The following ATRX variants were observed in gnomAD, a reference collection of about 807,000 sequenced individuals.
ATRX encodes ATRX chromatin remodeler, also known as chromatin remodeler ATRX.
A neutral mutation model predicts 172.6 loss-of-function variants in ATRX; 12 were observed. The observed-to-expected ratio is 0.07, with a 90% CI of 0.04 to 0.11. ATRX has a LOEUF of 0.11. Among genes scored for constraint, ATRX ranks in the 10% least tolerant of loss-of-function variants. The pLI is 1.00. For synonymous variants in ATRX, 674 were observed against 594.7 expected (o/e 1.13, Z -1.94); for missense variants, 1,368 against 1,767.4 (o/e 0.77, Z 4.05).
intron 22 of ATRX, among the ~76,000 whole-genome samples, chrX:77,606,701 T>TCC (rs1212930312): frequency 1.2e-5 from 1 of 85,852 alleles, no homozygotes; most frequent in Non-Finnish European, 2.2e-5. Flanking sequence ...AGAAGGAGGA[T>TCC]CCCTTGAGCC....
chrX:77,670,881 C>A (rs1345717885), intron 10 of ATRX, among the ~76,000 whole-genome samples: 1 of 107,436 alleles, frequency 9.3e-6, no homozygotes, highest in Non-Finnish European at 1.9e-5. Flanking sequence ...GGCACGGTGG[C>A]TCATGCCTGT....
At chrX:77,736,113 C>G (rs1424217259) in intron 1 of ATRX, among the ~76,000 whole-genome samples, 2 of 111,578 alleles carry the variant, frequency 1.8e-5, no homozygotes, top group African/African-American at 3.3e-5. Flanking sequence ...TATGAATCCT[C>G]TACAAGAAAA....
intron 2 of ATRX, among the ~76,000 whole-genome samples, chrX:77,701,602 T>C (rs949110533): frequency 2.7e-5 from 3 of 111,528 alleles, no homozygotes; most frequent in Non-Finnish European, 1.9e-5. Context: ...AATATCATAC[T>C]TAATGGCGAC....
At chrX:77,778,632 A>G (rs1169899751) in intron 1 of ATRX, among the ~76,000 whole-genome samples, 22 of 107,492 alleles carry the variant, frequency 2.0e-4, no homozygotes, top group Admixed American at 2.0e-3. Context: ...GAGGCAGGAG[A>G]ATCGCTTGAA....
intron 28 of ATRX, among the ~76,000 whole-genome samples, chrX:77,573,650 T>TA (rs1261961319): frequency 9.0e-6 from 1 of 111,365 alleles, no homozygotes; most frequent in African/African-American, 3.2e-5. Context: ...ATAATTTTTT[T>TA]AAAAAATGAC....
At chrX:77,661,032 T>C (rs1163114337) in intron 12 of ATRX, among the ~76,000 whole-genome samples, 1 of 112,064 alleles carries the variant, frequency 8.9e-6, no homozygotes, top group Non-Finnish European at 1.9e-5. Context: ...AGTGCCTTCA[T>C]TCTCACTGAA....
chrX:77,749,115 T>A (rs932912782), intron 1 of ATRX, among the ~76,000 whole-genome samples: 1 of 110,813 alleles, frequency 9.0e-6, no homozygotes, highest in East Asian at 2.8e-4. Context: ...CCTGCCACCC[T>A]CTCACCTTTT....
At chrX:77,566,234 C>T (rs187974160) in intron 28 of ATRX, among the ~76,000 whole-genome samples, 579 of 111,022 alleles carry the variant, frequency 5.2e-3, no homozygotes, top group Middle Eastern at 0.014. Flanking sequence ...CTTCCAAAAA[C>T]GTAGAAAAAT....
chrX:77,613,355 AT>A (rs782113040), intron 22 of ATRX, among the ~76,000 whole-genome samples: 1 of 109,936 alleles, frequency 9.1e-6, no homozygotes, highest in Admixed American at 9.8e-5. Context: ...TATGTTGAGC[AT>A]TTTTTTATGT....
intron 2 of ATRX, among the ~76,000 whole-genome samples, chrX:77,709,645 A>G (rs1212579614): frequency 3.2e-5 from 1 of 31,544 alleles, no homozygotes; most frequent in East Asian, 9.7e-4. Flanking sequence ...CCAATGGAGT[A>G]AAAAAAAAAA....
At chrX:77,592,600 G>A (rs782506614) in intron 26 of ATRX, among the ~76,000 whole-genome samples, 1 of 107,377 alleles carries the variant, frequency 9.3e-6, no homozygotes, top group South Asian at 4.1e-4. Flanking sequence ...ATTACCTGAG[G>A]TCAGGAGTTC....
rs1602831844 is a variant in ATRX, at chrX:77,612,766, C to T, written c.5566+3847G>A. 6.3e-5 allele frequency among the ~76,000 whole-genome samples: 7 copies of T among 111,051 alleles called. No individual in the cohort carries two copies. The South Asian group carries it at 2.7e-3, about 42-fold the overall frequency. Reference sequence around the variant, plus strand: ...GTAACTTCCCATTCCCTTCGTCCCCCAGAACCTGGTAATCACCATTCTACT... The same window carrying T: ...GTAACTTCCCATTCCCTTCGTCCCCTAGAACCTGGTAATCACCATTCTACT... On this transcript the variant is annotated intron_variant, in intron 22 of 34. Coordinates refer to ENST00000373344, the MANE Select transcript of ATRX (RefSeq NM_000489.6).
At chrX:77,583,289 C>T (rs782240677) in intron 27 of ATRX, among the ~76,000 whole-genome samples, 3 of 111,164 alleles carry the variant, frequency 2.7e-5, no homozygotes, top group African/African-American at 6.5e-5. Flanking sequence ...TCTGGAAGGC[C>T]GAGGCAGGTG....
At chrX:77,771,952 G>T (rs781958429) in intron 1 of ATRX, among the ~76,000 whole-genome samples, 61 of 111,668 alleles carry the variant, frequency 5.5e-4, no homozygotes, top group South Asian at 1.1e-3. Flanking sequence ...ATAGTGCCAA[G>T]GTTGAGACAA....
rs1384637803 is a variant in ATRX at position 77,735,595 on chromosome X, A to AAGCT, written c.21-18353_21-18352insAGCT. On this transcript the variant is annotated intron_variant, in intron 1 of 34. Coordinates refer to ENST00000373344, the MANE Select transcript of ATRX (RefSeq NM_000489.6). ...TGACAGAGCAAGACTCCGTCTCAAA[A>AAGCT]AACTAAATAAATAAATAAATAAATA... Among the ~76,000 whole-genome samples, 61 of 43,637 alleles carry AAGCT rather than the reference A, an allele frequency of 1.4e-3. 1 individual carries two copies. The East Asian group carries it at 0.019, about 14-fold the overall frequency. The allele number at this position is 43,637 out of a possible 115,157, so 37.9% of individuals were successfully genotyped here. A position where few individuals can be genotyped will look rare whatever the true frequency, so the allele number is the denominator to read the frequency against.
chrX:77,589,802 A>T (rs782576474), intron 27 of ATRX, 32 bp downstream of exon 27: 29 of 1,126,329 alleles, frequency 2.6e-5, no homozygotes, highest in African/African-American at 1.4e-4. Context: ...CAGTATTTTT[A>T]AAATTACGAC....
intron 2 of ATRX, among the ~76,000 whole-genome samples, chrX:77,711,101 T>G (rs943170395): frequency 8.0e-5 from 9 of 112,099 alleles, no homozygotes; most frequent in Non-Finnish European, 1.5e-4. Context: ...TATTAGTTAT[T>G]ACAACTGCAT....
chrX:77,638,711 C>T (rs375540701), intron 15 of ATRX, among the ~76,000 whole-genome samples: 1 of 112,594 alleles, frequency 8.9e-6, no homozygotes, highest in Non-Finnish European at 1.9e-5. Context: ...AGTAAATTAT[C>T]TGAATAGATA....
At chrX:77,516,673 A>T (rs1022133909) in intron 34 of ATRX, among the ~76,000 whole-genome samples, 9 of 111,955 alleles carry the variant, frequency 8.0e-5, no homozygotes, top group African/African-American at 2.6e-4. Context: ...CACATTGGAC[A>T]GATCATCCAG....
Sources: allele counts gnomAD v4.1 joint callset (sites outside exome capture counted in the v4.1 genomes callset), GRCh38; gene constraint gnomAD v4.1.1; transcripts MANE v1.5; gene names NCBI Gene and HGNC (gene_info 2026-07-23, HGNC 2026-07-21).